MPRIP: variants seen among roughly 807,000 people sequenced by gnomAD.
MPRIP encodes myosin phosphatase Rho-interacting protein.
MPRIP carries 59 observed loss-of-function variants against 234.9 expected under a neutral mutation model. That is an observed-to-expected ratio of 0.25 (90% CI 0.20 to 0.31). The LOEUF (loss-of-function observed/expected upper bound fraction) is 0.31, where lower values mean the gene tolerates loss of function less well. Ranked by LOEUF, MPRIP falls within the 10% of genes least tolerant of loss-of-function variation. The probability of loss-of-function intolerance (pLI) is 1.00; values close to 1 mark genes in which losing one functional copy is unlikely to be tolerated. For missense variants in MPRIP, 2,436 were observed against 3,071.0 expected (o/e 0.79, Z 4.89); for synonymous variants, 1,144 against 1,263.9 (o/e 0.91, Z 2.01).
At chr17:17,080,024 C>T (rs564166175) in intron 3 of MPRIP, among the ~76,000 whole-genome samples, 2 of 152,186 alleles carry the variant, frequency 1.3e-5, no homozygotes, top group South Asian at 4.1e-4. Context: ...AAAGAAGTCC[C>T]AGGGAAAACT....
At chr17:17,113,512 A>G (rs2090215247) in intron 3 of MPRIP, among the ~76,000 whole-genome samples, 1 of 152,216 alleles carries the variant, frequency 6.6e-6, no homozygotes, top group Non-Finnish European at 1.5e-5. Context: ...GGCAGTGTAT[A>G]TACATACTAC....
intron 3 of MPRIP, among the ~76,000 whole-genome samples, chr17:17,091,277 G>A (rs1187936917): frequency 6.6e-6 from 1 of 152,064 alleles, no homozygotes; most frequent in Non-Finnish European, 1.5e-5. Flanking sequence ...GGTGTGGGGT[G>A]GTCTGGGAAG....
intron 3 of MPRIP, among the ~76,000 whole-genome samples, chr17:17,095,755 G>C (rs1230986095): frequency 6.6e-6 from 1 of 152,078 alleles, no homozygotes; most frequent in East Asian, 1.9e-4. Flanking sequence ...TACGGGTGCT[G>C]ATCAGTTCTC....
chr17:17,156,864 T>C (rs1182786802), intron 13 of MPRIP, among the ~76,000 whole-genome samples: 1 of 152,254 alleles, frequency 6.6e-6, no homozygotes, highest in Non-Finnish European at 1.5e-5. Flanking sequence ...TGAAGCACTT[T>C]GCCTCTCACT....
chr17:17,056,451 G>C (rs1208606341), intron 1 of MPRIP, among the ~76,000 whole-genome samples: 1 of 152,208 alleles, frequency 6.6e-6, no homozygotes, highest in Non-Finnish European at 1.5e-5. Context: ...GTGGGGAGCA[G>C]GGGCAGGGGC....
Position 17,085,936 on chromosome 17 carries a change from A to T in MPRIP, c.267+7860A>T, listed in dbSNP as rs1018930109. On this transcript the variant is annotated intron_variant, in intron 3 of 23. Transcript: ENST00000651222. ...TCAAAACAAAAAGGAATACACACTGACCAGACCGGACCAACCTCCTTCTCT... is the reference window on the plus strand; with the variant it reads ...TCAAAACAAAAAGGAATACACACTGTCCAGACCGGACCAACCTCCTTCTCT... 2.0e-5 allele frequency among the ~76,000 whole-genome samples: 3 copies of T among 152,190 alleles called. No homozygotes were observed. The East Asian group carries it at 5.8e-4, about 29-fold the overall frequency.
intron 3 of MPRIP, among the ~76,000 whole-genome samples, chr17:17,125,991 G>T (rs1448711044): frequency 6.6e-6 from 1 of 152,102 alleles, no homozygotes; most frequent in Non-Finnish European, 1.5e-5. Context: ...AGAGGGTACA[G>T]GGCTAAACAA....
rs1260811368 is a variant in MPRIP, at chr17:17,143,689, C to A, written c.1503+20C>A. 1.3e-6 allele frequency: 2 copies of A among 1,516,354 alleles called. No individual in the cohort carries two copies. Among genetic ancestry groups the A allele is most frequent in the African/African-American group, 2.8e-5 (2 of 72,246 alleles). 93.9% of individuals were successfully genotyped at this position (1,516,354 alleles called of 1,614,324 possible). A position where few individuals can be genotyped will look rare whatever the true frequency, so the allele number is the denominator to read the frequency against. ...GTGACGGTGAGCCCAGGCGCCGCGT[C>A]CTCCGGAGGCCGTGCTCCTCTGCTT... is the stretch of plus-strand genomic sequence containing the variant. On this transcript the variant is annotated intron_variant, in intron 9 of 23. Coordinates refer to ENST00000651222, the MANE Select transcript of MPRIP (RefSeq NM_001364716.4).
intron 3 of MPRIP, among the ~76,000 whole-genome samples, chr17:17,116,110 C>T (rs1373407375): frequency 1.3e-4 from 20 of 152,120 alleles, no homozygotes; most frequent in Admixed American, 1.3e-3. Flanking sequence ...TTGGCTTGTT[C>T]CATCATTCAG....
rs772656837 is a variant in MPRIP at position 17,078,709 on chromosome 17, A to G, written c.267+633A>G. Among the ~76,000 whole-genome samples the G allele has an allele frequency of 2.6e-5, 4 of 152,230 alleles. No homozygotes were observed. The highest frequency in any genetic ancestry group is 5.9e-5 in the Non-Finnish European group (4 of 68,026). On this transcript the variant is annotated intron_variant, in intron 3 of 23. Transcript: ENST00000651222. This position sits in a 1 kb window ranked among gnomAD's most constrained non-coding sequence, Gnocchi z 4.3. The stretch of plus-strand genomic sequence containing the variant: ...CCCCAGAGGCCAAACCTGAAAATCA[A>G]CTAGGTGGAATTTCTGGCTTTTCTT...
In MPRIP at chr17:17,146,066, CTGACTAAGCAGTA is replaced by C; in HGVS notation, c.1538_1550del (p.Thr513ArgfsTer17). ...CCTGCTGAATTTCAAGAAAGGCTGGCTGACTAAGCAGTATGAGGACGGCCAGGTGAGTGTGCAG... is the reference window on the plus strand; with the variant it reads ...CCTGCTGAATTTCAAGAAAGGCTGGCTGAGGACGGCCAGGTGAGTGTGCAG... On this transcript the variant is annotated frameshift_variant, in exon 10 of 24. Coordinates refer to ENST00000651222, the MANE Select transcript of MPRIP (RefSeq NM_001364716.4). LOFTEE classifies it high-confidence loss of function. 6.2e-7 allele frequency: 1 copy of C among 1,614,086 alleles called. No individual in the cohort carries two copies.
At position 17,126,773 on chromosome 17, in the gene MPRIP, G is replaced by A. The variant is rs769583638; in HGVS notation, c.339G>A (p.Thr113=). 1.3e-5 allele frequency: 21 copies of A among 1,614,066 alleles called. No individual in the cohort carries two copies. Among genetic ancestry groups the A allele is most frequent in the Non-Finnish European group, 1.6e-5 (19 of 1,180,024 alleles). Residue 113 remains threonine, a synonymous_variant, in exon 4 of 24, where the codon ACG becomes ACA. Coordinates refer to ENST00000651222, the MANE Select transcript of MPRIP (RefSeq NM_001364716.4). ...CTDVVDGEGR[T]GQKFSLCILT... is the part of the protein sequence containing the mutation. ...ATGTGGTGGATGGGGAGGGCCGCAC[G>A]GGCCAGAAGTTCTCCCTGTGTATTC...
intron 6 of MPRIP, among the ~76,000 whole-genome samples, chr17:17,137,682 C>T (rs751798991): frequency 2.6e-4 from 39 of 152,142 alleles, no homozygotes; most frequent in Non-Finnish European, 5.1e-4. Context: ...GGCTGAGAGG[C>T]AGCCAGCTGC....
At chr17:17,101,954 C>T (rs766165095) in intron 3 of MPRIP, among the ~76,000 whole-genome samples, 23 of 152,300 alleles carry the variant, frequency 1.5e-4, no homozygotes, top group Middle Eastern at 3.4e-3. Flanking sequence ...AAATGTCACC[C>T]GCAGGGAGCT....
At chr17:17,173,881 A>T (rs1175759201) in intron 18 of MPRIP, 35 bp from the exon 19 acceptor site, 1 of 1,612,934 alleles carries the variant, frequency 6.2e-7, no homozygotes, top group South Asian at 1.1e-5. Flanking sequence ...CTTGTCCAGA[A>T]GCAGGCAGAG....
chr17:17,129,714 A>G (rs561766332), intron 4 of MPRIP, among the ~76,000 whole-genome samples: 2 of 152,306 alleles, frequency 1.3e-5, no homozygotes, highest in South Asian at 2.1e-4. Context: ...CTGCAAGGCC[A>G]TTAGTCATTG....
intron 3 of MPRIP, among the ~76,000 whole-genome samples, chr17:17,088,539 T>C (rs2089644292): frequency 6.6e-6 from 1 of 152,212 alleles, no homozygotes; most frequent in Non-Finnish European, 1.5e-5. Flanking sequence ...TGGCTGGTGC[T>C]AGTGTCTTCA....
At chr17:17,091,351 CA>C (rs2089712088) in intron 3 of MPRIP, among the ~76,000 whole-genome samples, 1 of 152,074 alleles carries the variant, frequency 6.6e-6, no homozygotes, top group African/African-American at 2.4e-5. Context: ...AACTGAGACC[CA>C]GGGGGCAGGC....
chr17:17,056,104 C>A (rs1312403859), intron 1 of MPRIP, among the ~76,000 whole-genome samples: 2 of 152,180 alleles, frequency 1.3e-5, no homozygotes, highest in African/African-American at 4.8e-5. Flanking sequence ...GCCCCCTTGG[C>A]CCCTAGTGTC....
Sources: gnomAD v4.1 joint callset for allele counts (sites outside exome capture counted in the v4.1 genomes callset) on GRCh38, gnomAD v4.1.1 for gene constraint, Gnocchi (gnomAD v3.1) non-coding constraint, MANE v1.5 for transcripts, NCBI Gene and HGNC (gene_info 2026-07-23, HGNC 2026-07-21) for gene names.